Variants in ZNF536 observed in about 807,000 individuals in gnomAD.
ZNF536 encodes zinc finger protein 536.
A neutral mutation model predicts 84.5 loss-of-function variants in ZNF536; 13 were observed. That is an observed-to-expected ratio of 0.15 (90% CI 0.10 to 0.24). ZNF536 has a LOEUF of 0.24. Ranked by LOEUF, ZNF536 falls within the 10% of genes least tolerant of loss-of-function variation. The pLI, the probability that ZNF536 is intolerant of heterozygous loss-of-function variation, is 1.00. For synonymous variants in ZNF536, 811 were observed against 742.5 expected, an observed-to-expected ratio of 1.09 and a Z score of -1.50; for missense variants, 1,536 against 1,747.5, an observed-to-expected ratio of 0.88 and a Z score of 2.16.
intron 3 of ZNF536, among the ~76,000 whole-genome samples, chr19:30,361,594 G>A (rs1326945136): frequency 2.0e-5 from 3 of 152,080 alleles, no homozygotes; most frequent in Non-Finnish European, 2.9e-5. Context: ...TCAAACACGC[G>A]CCATGGACCC....
At chr19:30,475,167 G>A (rs988023330) in intron 2 of ZNF536, among the ~76,000 whole-genome samples, 2 of 152,010 alleles carry the variant, frequency 1.3e-5, no homozygotes, top group African/African-American at 2.4e-5. Flanking sequence ...TGCAACCTTC[G>A]TCTCCCAGGT....
chr19:30,263,374 C>T (rs540404692), intron 1 of ZNF536, among the ~76,000 whole-genome samples: 1 of 152,110 alleles, frequency 6.6e-6, no homozygotes, highest in Admixed American at 6.5e-5. Flanking sequence ...ACCCGTGGAG[C>T]TGGCAGCAGA....
At chr19:30,225,651 C>G (rs1287833419), upstream of ZNF536, among the ~76,000 whole-genome samples, 2 of 150,380 alleles carry the variant, frequency 1.3e-5, no homozygotes, top group African/African-American at 4.9e-5. Flanking sequence ...GCTCCTGACG[C>G]CCGCGTTTCA....
At chr19:30,402,796 A>AATATATAT (rs869301101) in intron 1 of ZNF536, among the ~76,000 whole-genome samples, 39 of 85,596 alleles carry the variant, frequency 4.6e-4, no homozygotes, top group African/African-American at 9.1e-4. Context: ...AAAATTAAAA[A>AATATATAT]ATATATATAT....
At chr19:30,334,653 G>C (rs2047321273) in intron 2 of ZNF536, among the ~76,000 whole-genome samples, 2 of 152,332 alleles carry the variant, frequency 1.3e-5, no homozygotes, top group African/African-American at 4.8e-5. Flanking sequence ...GCTGTGAGGA[G>C]TATGACACGG....
intron 1 of ZNF536, among the ~76,000 whole-genome samples, chr19:30,390,887 A>C (rs766662252): frequency 1.6e-4 from 25 of 152,176 alleles, no homozygotes; most frequent in Admixed American, 2.6e-4. Flanking sequence ...CATCTATTCC[A>C]ATGTCAGAAT....
chr19:30,260,897 C>G (rs535143594), intron 1 of ZNF536, among the ~76,000 whole-genome samples: 1 of 152,340 alleles, frequency 6.6e-6, no homozygotes, highest in South Asian at 2.1e-4. Flanking sequence ...CCCATTGACT[C>G]CACAGCCTCA....
chr19:30,600,862 C>T (rs1269892903), intron 1 of ZNF536, among the ~76,000 whole-genome samples: 1 of 152,234 alleles, frequency 6.6e-6, no homozygotes, highest in Non-Finnish European at 1.5e-5. Context: ...TGCCAAGCAT[C>T]GAGTGTGGGC....
intron 1 of ZNF536, among the ~76,000 whole-genome samples, chr19:30,642,831 G>A (rs1488767346): frequency 6.6e-6 from 1 of 152,128 alleles, no homozygotes; most frequent in Non-Finnish European, 1.5e-5. Context: ...CGGTAGACTT[G>A]GATCTCTTTG....
intron 1 of ZNF536, among the ~76,000 whole-genome samples, chr19:30,412,425 G>A (rs1173108444): frequency 6.7e-6 from 1 of 149,218 alleles, no homozygotes; most frequent in Non-Finnish European, 1.5e-5. Flanking sequence ...GATATAATAT[G>A]ATTATTCTCT....
intron 1 of ZNF536, among the ~76,000 whole-genome samples, chr19:30,698,182 C>T (rs1046658838): frequency 6.6e-5 from 10 of 152,122 alleles, no homozygotes; most frequent in Middle Eastern, 3.4e-3. Context: ...GTCCCAGCTA[C>T]GCAGGATGCT....
At chr19:30,258,060 C>T (rs2025003913) in intron 1 of ZNF536, among the ~76,000 whole-genome samples, 1 of 152,176 alleles carries the variant, frequency 6.6e-6, no homozygotes, top group African/African-American at 2.4e-5. Context: ...TCTGTGTGTG[C>T]CATGTGGAGC....
At chr19:30,404,681 A>G (rs1600589152) in intron 1 of ZNF536, among the ~76,000 whole-genome samples, 1 of 152,220 alleles carries the variant, frequency 6.6e-6, no homozygotes, top group African/African-American at 2.4e-5. Flanking sequence ...CTCTTATACT[A>G]CAACCACAGT....
intron 2 of ZNF536, among the ~76,000 whole-genome samples, chr19:30,290,913 C>T (rs1030130188): frequency 1.3e-5 from 2 of 152,166 alleles, no homozygotes; most frequent in Non-Finnish European, 2.9e-5. Flanking sequence ...TTGTTCAACT[C>T]CCACTTATGA....
At chr19:30,484,063 C>T (rs1169173133) in intron 2 of ZNF536, among the ~76,000 whole-genome samples, 1 of 152,024 alleles carries the variant, frequency 6.6e-6, no homozygotes, top group Admixed American at 6.6e-5. Flanking sequence ...TAAACCCAGC[C>T]CATCCCCGCT....
intron 1 of ZNF536, among the ~76,000 whole-genome samples, chr19:30,251,753 T>C (rs1197769415): frequency 6.6e-6 from 1 of 152,146 alleles, no homozygotes; most frequent in East Asian, 1.9e-4. Context: ...TCCCCCTGAG[T>C]CCCCAAGGTC....
chr19:30,320,410 A>G (rs536786220), intron 2 of ZNF536, among the ~76,000 whole-genome samples: 4 of 152,346 alleles, frequency 2.6e-5, no homozygotes, highest in Admixed American at 2.6e-4. Flanking sequence ...TTCATCAGGA[A>G]TGTTTTCAGT....
chr19:30,612,273 C>T (rs1051398940), intron 1 of ZNF536, among the ~76,000 whole-genome samples: 4 of 152,120 alleles, frequency 2.6e-5, no homozygotes, highest in Non-Finnish European at 5.9e-5. Context: ...TCTCCCCTGT[C>T]CCCCCAAATC....
intron 1 of ZNF536, among the ~76,000 whole-genome samples, chr19:30,407,251 C>T (rs1457700485): frequency 2.6e-5 from 4 of 152,182 alleles, no homozygotes; most frequent in African/African-American, 9.7e-5. Context: ...TTTATATTGA[C>T]GTTTTGCTAG....
Sources: gnomAD v4.1 joint callset for allele counts (sites outside exome capture counted in the v4.1 genomes callset) on GRCh38, gnomAD v4.1.1 for gene constraint, MANE v1.5 for transcripts, NCBI Gene and HGNC (gene_info 2026-07-23, HGNC 2026-07-21) for gene names.